Variants in ADAM9 observed in about 807,000 individuals in gnomAD.
The protein encoded by ADAM9 is ADAM metallopeptidase domain 9.
ADAM9 carries 54 observed loss-of-function variants against 108.1 expected under a neutral mutation model. The observed-to-expected ratio is 0.50, with a 90% confidence interval of 0.40 to 0.63. The LOEUF is 0.63. Among genes scored for constraint, ADAM9 ranks in the 20% least tolerant of loss-of-function variants. The probability of loss-of-function intolerance (pLI) is 0.00; values close to 1 mark genes in which losing one functional copy is unlikely to be tolerated. For missense variants in ADAM9, 830 were observed against 997.7 expected (o/e 0.83, Z 2.26); for synonymous variants, 316 against 336.0 (o/e 0.94, Z 0.65).
At chr8:39,045,518 ATATAT>A (rs1284143285) in intron 12 of ADAM9, among the ~76,000 whole-genome samples, 2 of 102,730 alleles carry the variant, frequency 1.9e-5, no homozygotes, top group African/African-American at 6.7e-5. Context: ...GTGTACATAC[ATATAT>A]ATGTGCATAT....
intron 12 of ADAM9, among the ~76,000 whole-genome samples, chr8:39,044,380 C>T (rs539288573): frequency 2.0e-5 from 3 of 152,250 alleles, no homozygotes; most frequent in African/African-American, 7.2e-5. Context: ...TGTTGAAGAT[C>T]AGGTGATCTC....
chr8:39,026,565 T>C (rs1306175218), intron 10 of ADAM9, 112 bp from the exon 11 acceptor site: 26 of 1,316,510 alleles, frequency 2.0e-5, no homozygotes, highest in Non-Finnish European at 2.7e-5. Context: ...ATTTATCACG[T>C]AGGCTGTCAA....
chr8:39,097,337 T>C (rs2129443502), intron 20 of ADAM9, among the ~76,000 whole-genome samples: 1 of 151,944 alleles, frequency 6.6e-6, no homozygotes, highest in African/African-American at 2.4e-5. Flanking sequence ...GACAGAGTCT[T>C]TCTCGGTTGC....
rs554235736 is a variant in ADAM9, at chr8:39,002,848, T to G, written c.98-5038T>G. Reference sequence around the variant, plus strand: ...TTCAGGCCGTTTTCTCTTTTTCTTTTTTTTTAGACGGAGTCTCCCTCGGAG... The same window carrying G: ...TTCAGGCCGTTTTCTCTTTTTCTTTGTTTTTAGACGGAGTCTCCCTCGGAG... On this transcript the variant is annotated intron_variant, in intron 1 of 21. Transcript: ENST00000487273. Among the ~76,000 whole-genome samples, 19 of 152,314 alleles carry G rather than the reference T, an allele frequency of 1.2e-4. No individual in the cohort carries two copies. The South Asian group carries it at 3.5e-3, about 28-fold the overall frequency.
intron 4 of ADAM9, chr8:39,015,142 T>TA (rs1248588953): frequency 6.6e-6 from 1 of 152,332 alleles, no homozygotes; most frequent in Non-Finnish European, 1.5e-5. Context: ...CATACACTGT[T>TA]TGGGCTTGAG....
At chr8:39,045,458 AT>A (rs1837717340) in intron 12 of ADAM9, among the ~76,000 whole-genome samples, 1 of 147,638 alleles carries the variant, frequency 6.8e-6, no homozygotes, top group Non-Finnish European at 1.5e-5. Context: ...ACACACCTAT[AT>A]GTGCGTGTGT....
intron 16 of ADAM9, among the ~76,000 whole-genome samples, chr8:39,079,154 C>T (rs1180799918): frequency 6.6e-6 from 1 of 152,174 alleles, no homozygotes; most frequent in African/African-American, 2.4e-5. Flanking sequence ...CTTACCTGTC[C>T]AGCCTTACCT....
At chr8:39,084,414 T>C (rs1839119405) in intron 18 of ADAM9, among the ~76,000 whole-genome samples, 1 of 151,910 alleles carries the variant, frequency 6.6e-6, no homozygotes, top group South Asian at 2.1e-4. Flanking sequence ...TATACCTCCA[T>C]GTTCATTCAG....
intron 20 of ADAM9, among the ~76,000 whole-genome samples, chr8:39,095,869 G>A (rs1277235539): frequency 6.6e-6 from 1 of 152,028 alleles, no homozygotes; most frequent in Non-Finnish European, 1.5e-5. Context: ...TACCATTAAT[G>A]CACTTTTTCA....
At chr8:39,051,452 TAGG>T (rs1837956035) in intron 12 of ADAM9, among the ~76,000 whole-genome samples, 1 of 152,210 alleles carries the variant, frequency 6.6e-6, no homozygotes, top group African/African-American at 2.4e-5. Flanking sequence ...TGACTTTTTA[TAGG>T]AGATTTGTTA....
chr8:39,091,322 T>C lies in ADAM9; in HGVS notation c.2274T>C (p.Ser758=), dbSNP rs1218003569. The C allele has an allele frequency of 6.2e-7, 1 of 1,614,028 alleles. No homozygotes were observed. The highest frequency in any genetic ancestry group is 8.5e-7 in the Non-Finnish European group (1 of 1,180,024). The change falls in exon 20 of 22, where the codon TCT becomes TCC. Residue 758 remains serine, a synonymous_variant. Transcript: ENST00000487273. The stretch of plus-strand genomic sequence containing the variant: ...CGGGGAGTGTTCCTCGACATGTTTC[T>C]CCAGTGACACCTCCCAGAGAAGTTG... ...RQPGSVPRHV[S]PVTPPREVPI...
intron 11 of ADAM9, among the ~76,000 whole-genome samples, chr8:39,032,677 C>T (rs1258718298): frequency 6.6e-6 from 1 of 152,214 alleles, no homozygotes; most frequent in Admixed American, 6.5e-5. Context: ...TGGACTACAC[C>T]CACTGTCCAA....
chr8:39,073,229 T>C (rs1401700235), intron 15 of ADAM9, among the ~76,000 whole-genome samples: 1 of 152,256 alleles, frequency 6.6e-6, no homozygotes, highest in Admixed American at 6.5e-5. Context: ...ACGTGTGTTA[T>C]ATCTGTTCCT....
chr8:39,022,807 A>C (rs1462515394), intron 8 of ADAM9, among the ~76,000 whole-genome samples: 2 of 151,838 alleles, frequency 1.3e-5, no homozygotes, highest in Non-Finnish European at 2.9e-5. Context: ...TCTGCCTCCC[A>C]GGTTCAAGCG....
chr8:39,008,505 C>A (rs1161477140), intron 2 of ADAM9, among the ~76,000 whole-genome samples: 1 of 152,082 alleles, frequency 6.6e-6, no homozygotes. Context: ...ACAATATGAT[C>A]AACTCGAAAC....
rs1835833310 is a variant in ADAM9, at chr8:38,997,031, G to A, written c.-33G>A. 3 of 1,601,884 alleles carry A rather than the reference G, an allele frequency of 1.9e-6. No individual in the cohort carries two copies. Among genetic ancestry groups the A allele is most frequent in the Non-Finnish European group, 2.5e-6 (3 of 1,178,426 alleles). On this transcript the variant is annotated 5_prime_UTR_variant, in exon 1 of 22. Coordinates refer to ENST00000487273, the MANE Select transcript of ADAM9 (RefSeq NM_003816.3). ...GGAAGAGGCGGAGGTGGAGGCGACC[G>A]AGTGCTGAGAGGAACCTGCGGAATC...
Position 39,071,366 on chromosome 8 carries a change from G to A in ADAM9, c.1660G>A (p.Gly554Ser). 6.2e-7 allele frequency: 1 copy of A among 1,613,862 alleles called. No individual in the cohort carries two copies. The highest frequency in any genetic ancestry group is 8.5e-7 in the Non-Finnish European group (1 of 1,179,936). ...TAAAGGTGACAGATTTGGCAATTGT[G>A]GTTTCTCTGGCAATGAATACAAGAA... ...NSKGDRFGNCGFSGNEYKKCA... is the reference protein window; with the variant it reads ...NSKGDRFGNCSFSGNEYKKCA... The change falls in exon 15 of 22, where the codon GGT becomes AGT. Residue 554 changes from glycine (G) to serine (S), a missense_variant. By Grantham distance (56) the Gly-to-Ser change is moderately conservative (BLOSUM62 0). Around this residue, in one of 3 missense-constraint regions of ADAM9, gnomAD observed 381 missense variants for 539.8 expected, o/e 0.71. Transcript: ENST00000487273.
intron 3 of ADAM9, among the ~76,000 whole-genome samples, chr8:39,013,676 A>G (rs1385363099): frequency 6.6e-6 from 1 of 151,486 alleles, no homozygotes; most frequent in Non-Finnish European, 1.5e-5. Flanking sequence ...CTAATTTTTT[A>G]TTTTTTGTAG....
intron 11 of ADAM9, among the ~76,000 whole-genome samples, chr8:39,041,313 C>T (rs1486022291): frequency 1.3e-5 from 2 of 152,006 alleles, no homozygotes; most frequent in Non-Finnish European, 2.9e-5. Context: ...TCTTAAAGGC[C>T]AACTAACTTT....
Sources: gnomAD v4.1 joint callset for allele counts (sites outside exome capture counted in the v4.1 genomes callset) on GRCh38, gnomAD v4.1.1 for gene constraint, gnomAD v4.1.1 regional missense constraint, MANE v1.5 for transcripts, NCBI Gene and HGNC (gene_info 2026-07-23, HGNC 2026-07-21) for gene names.